The following CLDN10 variants were observed in gnomAD, a reference collection of about 807,000 sequenced individuals.
CLDN10 encodes claudin 10.
A neutral mutation model predicts 22.9 loss-of-function variants in CLDN10; 15 were observed. That is an observed-to-expected ratio of 0.65 (90% CI 0.44 to 1.01). CLDN10 has a LOEUF of 1.01. CLDN10 is among the 50% of genes least tolerant of loss of function. The pLI is 0.00. For synonymous variants in CLDN10, 114 were observed against 111.4 expected (o/e 1.02, Z -0.15); for missense variants, 247 against 287.8 (o/e 0.86, Z 1.03).
At chr13:95,444,473 CA>C (rs1222124755) in intron 1 of CLDN10, among the ~76,000 whole-genome samples, 2 of 152,166 alleles carry the variant, frequency 1.3e-5, no homozygotes, top group African/African-American at 4.8e-5. Context: ...AGGAACAGGA[CA>C]GGGGCAGTTC....
Position 95,579,739 on chromosome 13 carries a change from A to T in CLDN10, c.*1725A>T, listed in dbSNP as rs2043988655. 1 of 152,186 alleles carries T rather than the reference A, an allele frequency of 6.6e-6. No homozygotes were observed. The allele number at this position is 152,186 out of a possible 1,614,324, so 9.4% of individuals were successfully genotyped here. A position where few individuals can be genotyped will look rare whatever the true frequency, so the allele number is the denominator to read the frequency against. On this transcript the variant is annotated 3_prime_UTR_variant, in exon 5 of 5. Transcript: ENST00000299339. Reference sequence around the variant, plus strand: ...ACAAGTTTGTTAAAAGATAAAAAATAAAAAAAATTCCATACCTTGATAATC... The same window carrying T: ...ACAAGTTTGTTAAAAGATAAAAAATTAAAAAAATTCCATACCTTGATAATC...
At chr13:95,490,645 T>A (rs1025071267) in intron 1 of CLDN10, among the ~76,000 whole-genome samples, 2 of 152,210 alleles carry the variant, frequency 1.3e-5, no homozygotes, top group East Asian at 3.8e-4. Context: ...TGATATAATT[T>A]CAATTTTCTA....
intron 1 of CLDN10, among the ~76,000 whole-genome samples, chr13:95,532,755 A>G (rs1454847985): frequency 7.2e-6 from 1 of 139,026 alleles, no homozygotes; most frequent in African/African-American, 2.7e-5. Context: ...ATGGATAAAC[A>G]AACTGTGATA....
intron 1 of CLDN10, among the ~76,000 whole-genome samples, chr13:95,444,915 A>G (rs2042357948): frequency 6.6e-6 from 1 of 152,082 alleles, no homozygotes; most frequent in South Asian, 2.1e-4. Flanking sequence ...GTGCCTCAGC[A>G]CAGATGTGCA....
intron 1 of CLDN10, among the ~76,000 whole-genome samples, chr13:95,434,627 T>A (rs776210111): frequency 6.2e-4 from 94 of 152,086 alleles, no homozygotes; most frequent in South Asian, 4.2e-4. Context: ...TATACATATA[T>A]TCATGCACAC....
intron 3 of CLDN10, among the ~76,000 whole-genome samples, chr13:95,575,018 C>A (rs1280440108): frequency 6.6e-6 from 1 of 152,148 alleles, no homozygotes; most frequent in South Asian, 2.1e-4. Context: ...CATCCCCCAA[C>A]TGGCCACTAT....
At chr13:95,530,288 G>A (rs1346142148) in intron 1 of CLDN10, among the ~76,000 whole-genome samples, 4 of 152,128 alleles carry the variant, frequency 2.6e-5, no homozygotes, top group East Asian at 1.9e-4. Context: ...CAGAACTGCT[G>A]TTTACTTTGG....
At chr13:95,439,177 T>C (rs2042300828) in intron 1 of CLDN10, among the ~76,000 whole-genome samples, 1 of 151,986 alleles carries the variant, frequency 6.6e-6, no homozygotes, top group Non-Finnish European at 1.5e-5. Context: ...AACTGGGTAA[T>C]TCACCAACAT....
At chr13:95,440,847 G>A (rs2042317732) in intron 1 of CLDN10, among the ~76,000 whole-genome samples, 1 of 152,238 alleles carries the variant, frequency 6.6e-6, no homozygotes, top group Non-Finnish European at 1.5e-5. Flanking sequence ...AAGTGCCCTA[G>A]CCTTACAGTG....
chr13:95,495,446 A>G lies in CLDN10; in HGVS notation c.214+61399A>G, dbSNP rs376417605. 7.9e-5 allele frequency among the ~76,000 whole-genome samples: 12 copies of G among 151,932 alleles called. No individual in the cohort carries two copies. The East Asian group carries it at 2.2e-3, about 27-fold the overall frequency. Reference sequence around the variant, plus strand: ...TTGAGTCCATGTCTTGTAATTTCCTAGAAAGAAATGAAGCTCGGCCAGGCG... The same window carrying G: ...TTGAGTCCATGTCTTGTAATTTCCTGGAAAGAAATGAAGCTCGGCCAGGCG... On this transcript the variant is annotated intron_variant, in intron 1 of 4. Coordinates refer to the CLDN10 transcript ENST00000376873.
intron 1 of CLDN10, among the ~76,000 whole-genome samples, chr13:95,474,242 G>C (rs2389311): frequency 0.62 from 93,766 of 152,030 alleles, 30,997 homozygotes; most frequent in African/African-American, 0.87. Context: ...TGATAAGGAG[G>C]AGGGAACCCA....
intron 1 of CLDN10, among the ~76,000 whole-genome samples, chr13:95,518,538 T>C (rs184885360): frequency 1.0e-3 from 154 of 152,212 alleles, no homozygotes; most frequent in Non-Finnish European, 2.4e-4. Flanking sequence ...GGTGGATTGC[T>C]TGAGGTCAGG....
At chr13:95,460,610 A>G (rs1401989332) in intron 1 of CLDN10, among the ~76,000 whole-genome samples, 1 of 152,090 alleles carries the variant, frequency 6.6e-6, no homozygotes, top group African/African-American at 2.4e-5. Flanking sequence ...AATTATCTCT[A>G]CCTGATCTTT....
rs60359070 is a variant in CLDN10 at position 95,570,858 on chromosome 13, G to GTGTATATATATATATATATA, written c.465-6372_465-6371insGTATATATATATATATATAT. On this transcript the variant is annotated intron_variant, in intron 3 of 4. Transcript: ENST00000299339. The stretch of plus-strand genomic sequence containing the variant: ...CACACACACACACACATATACGTGT[G>GTGTATATATATATATATATA]TATATATATATATATATATATATAT... 6.4e-3 allele frequency among the ~76,000 whole-genome samples: 760 copies of GTGTATATATATATATATATA among 119,438 alleles called. 13 individuals are homozygous for GTGTATATATATATATATATA. The highest frequency in any genetic ancestry group is 9.1e-3 in the Non-Finnish European group (528 of 58,312). The allele number at this position is 119,438 out of a possible 152,430, so 78.4% of individuals were successfully genotyped here.
chr13:95,452,175 G>T (rs904955095), intron 1 of CLDN10, among the ~76,000 whole-genome samples: 1 of 152,014 alleles, frequency 6.6e-6, no homozygotes, highest in Non-Finnish European at 1.5e-5. Context: ...TGAAATTTGG[G>T]ACATTTTCTT....
At chr13:95,510,115 C>T (rs551521286) in intron 1 of CLDN10, among the ~76,000 whole-genome samples, 104 of 152,356 alleles carry the variant, frequency 6.8e-4, no homozygotes, top group African/African-American at 2.1e-3. Context: ...CACACCACAG[C>T]TTCTGAGACT....
At chr13:95,468,348 A>C (rs962171046) in intron 1 of CLDN10, among the ~76,000 whole-genome samples, 17 of 152,182 alleles carry the variant, frequency 1.1e-4, no homozygotes, top group African/African-American at 3.4e-4. Context: ...CTGATATGAC[A>C]AGATGTTCCA....
At chr13:95,572,094 C>T (rs1400897479) in intron 3 of CLDN10, among the ~76,000 whole-genome samples, 1 of 152,056 alleles carries the variant, frequency 6.6e-6, no homozygotes, top group Non-Finnish European at 1.5e-5. Context: ...CCTTTTTCAG[C>T]TCCAACATGC....
At chr13:95,480,304 C>T (rs2042731545) in intron 1 of CLDN10, among the ~76,000 whole-genome samples, 1 of 152,078 alleles carries the variant, frequency 6.6e-6, no homozygotes, top group South Asian at 2.1e-4. Flanking sequence ...TATCTCTCTT[C>T]TTTCCAGTTT....
Sources: allele counts gnomAD v4.1 joint callset (sites outside exome capture counted in the v4.1 genomes callset), GRCh38; gene constraint gnomAD v4.1.1; transcripts MANE v1.5; gene names NCBI Gene and HGNC (gene_info 2026-07-23, HGNC 2026-07-21).